PAPOLG: variants seen among roughly 807,000 people sequenced by gnomAD.
The protein encoded by PAPOLG is PAP-gamma.
A neutral mutation model predicts 99.0 loss-of-function variants in PAPOLG; 40 were observed. That is an observed-to-expected ratio of 0.40 (90% confidence interval 0.31 to 0.53). The LOEUF is 0.53. Among genes scored for constraint, PAPOLG ranks in the 20% least tolerant of loss-of-function variants. The probability of loss-of-function intolerance (pLI) is 0.41; values close to 1 mark genes in which losing one functional copy is unlikely to be tolerated. For synonymous variants in PAPOLG, 310 were observed against 299.3 expected (o/e 1.04, Z -0.37); for missense variants, 675 against 884.1 (o/e 0.76, Z 3.00).
At chr2:60,788,289 T>TTA (rs1358472518) in intron 15 of PAPOLG, among the ~76,000 whole-genome samples, 1 of 152,020 alleles carries the variant, frequency 6.6e-6, no homozygotes, top group Admixed American at 6.6e-5. Context: ...CTTCAACGCT[T>TTA]TAAGTTTTGT....
chr2:60,795,265 C>A, intron 21 of PAPOLG: 1 of 619,196 alleles, frequency 1.6e-6, no homozygotes, highest in Non-Finnish European at 3.0e-6. Context: ...AGATTATGTT[C>A]ACCCTTTGTT....
rs1671794119 is a variant in PAPOLG at position 60,799,217 on chromosome 2, T to C, written c.*2057T>C. The stretch of plus-strand genomic sequence containing the variant: ...TCAAAGTATCTTTAGGAATTCCTTC[T>C]GTATCCATGTTTACCCCATTATGTA... On this transcript the variant is annotated 3_prime_UTR_variant, in exon 22 of 22. Coordinates refer to ENST00000238714, the MANE Select transcript of PAPOLG (RefSeq NM_022894.4). The C allele has an allele frequency of 6.6e-6, 1 of 152,420 alleles. No individual in the cohort carries two copies. Among genetic ancestry groups the C allele is most frequent in the African/African-American group, 2.4e-5 (1 of 41,478 alleles). The allele number at this position is 152,420 out of a possible 1,614,324, so 9.4% of individuals were successfully genotyped here.
At chr2:60,789,191 C>T (rs980396331) in intron 15 of PAPOLG, among the ~76,000 whole-genome samples, 4 of 147,804 alleles carry the variant, frequency 2.7e-5, no homozygotes, top group East Asian at 2.1e-4. Context: ...GTGGGGGGAG[C>T]GGGGAGGGAT....
At chr2:60,779,985 G>A (rs1187908873) in intron 9 of PAPOLG, among the ~76,000 whole-genome samples, 2 of 152,198 alleles carry the variant, frequency 1.3e-5, no homozygotes, top group African/African-American at 2.4e-5. Flanking sequence ...TTTAGCTTGG[G>A]AGAGCAGTTA....
intron 3 of PAPOLG, among the ~76,000 whole-genome samples, chr2:60,766,794 T>G (rs1670690414): frequency 6.6e-6 from 1 of 152,034 alleles, no homozygotes; most frequent in Non-Finnish European, 1.5e-5. Context: ...GTAACCATGT[T>G]GGTTGGTTGG....
Position 60,761,727 on chromosome 2 carries a change from AT to A in PAPOLG, c.180-5del, listed in dbSNP as rs528525946. The A allele has an allele frequency of 4.3e-4, 654 of 1,507,014 alleles. No individual in the cohort carries two copies. Among genetic ancestry groups the A allele is most frequent in the Middle Eastern group, 8.9e-4 (5 of 5,634 alleles). 93.4% of individuals were successfully genotyped at this position (1,507,014 alleles called of 1,614,324 possible). ...TTGTTTGTTTGTTTTAATCTGAAGC[AT>A]TTTTTTTTATAGGCTGGTGGTTCTT... On this transcript the variant is annotated splice_polypyrimidine_tract_variant and intron_variant, in intron 2 of 21. Coordinates refer to ENST00000238714, the MANE Select transcript of PAPOLG (RefSeq NM_022894.4).
chr2:60,769,789 C>T (rs1670794574), intron 5 of PAPOLG, among the ~76,000 whole-genome samples: 1 of 151,740 alleles, frequency 6.6e-6, no homozygotes, highest in Non-Finnish European at 1.5e-5. Flanking sequence ...TCTGGAATAC[C>T]ATGTGCAGAA....
In PAPOLG at chr2:60,781,952, C is replaced by T. The variant is rs770308707; in HGVS notation, c.974C>T (p.Thr325Met). ...CCTGCCTACCCACAACAGAATTCTA[C>T]GTATAATGTGTCCACATCAACTCGA... ...ITPAYPQQNS[T>M]YNVSTSTRTV... Residue 325 changes from threonine (T) to methionine (M), a missense_variant, in exon 11 of 22, where the codon ACG becomes ATG. By Grantham distance (81) the Thr-to-Met change is moderately conservative. Transcript: ENST00000238714. 1.2e-6 allele frequency: 2 copies of T among 1,613,672 alleles called. No homozygotes were observed. The highest frequency in any genetic ancestry group is 1.7e-5 in the Admixed American group (1 of 59,982).
At chr2:60,782,625 C>G (rs1671224535) in intron 11 of PAPOLG, 61 bp from the exon 12 acceptor site, 1 of 1,354,200 alleles carries the variant, frequency 7.4e-7, no homozygotes, top group Admixed American at 3.5e-5. Flanking sequence ...GATTTAAGAG[C>G]TGGTCCCTTT....
chr2:60,760,421 C>T (rs1352658488), intron 2 of PAPOLG, 126 bp downstream of exon 2: 12 of 831,126 alleles, frequency 1.4e-5, no homozygotes, highest in Admixed American at 5.7e-5. Flanking sequence ...AAATCTTGGC[C>T]CTCTTGGAGC....
At chr2:60,787,478 A>T in intron 14 of PAPOLG, 33 bp from the exon 15 acceptor site, 3 of 1,573,124 alleles carry the variant, frequency 1.9e-6, no homozygotes, top group Non-Finnish European at 2.6e-6. Context: ...AAATAATAAT[A>T]ATTAATGGAA....
At chr2:60,782,599 T>G (rs1671223617) in intron 11 of PAPOLG, 87 bp from the exon 12 acceptor site, 2 of 1,347,966 alleles carry the variant, frequency 1.5e-6, no homozygotes. Context: ...AGTTTGAGAT[T>G]TTGTAGTAGT....
At chr2:60,759,486 G>T (rs1273442207) in intron 1 of PAPOLG, among the ~76,000 whole-genome samples, 1 of 152,194 alleles carries the variant, frequency 6.6e-6, no homozygotes, top group Non-Finnish European at 1.5e-5. Flanking sequence ...ATTGCCAGTA[G>T]TATAAAGAAT....
At position 60,771,607 on chromosome 2, in the gene PAPOLG, T is replaced by C. The variant is rs375076112; in HGVS notation, c.581T>C (p.Ile194Thr). ...RDDSRLRSLD[I>T]RCIRSLNGCR... ...GACTCTCGCCTGAGAAGCCTTGATATAAGGTGTATTCGCAGCTTAAATGGT... is the reference window on the plus strand; with the variant it reads ...GACTCTCGCCTGAGAAGCCTTGATACAAGGTGTATTCGCAGCTTAAATGGT... Residue 194 changes from isoleucine to threonine, a missense_variant, in exon 7 of 22, where the codon ATA becomes ACA. By Grantham distance (89) the Ile-to-Thr change is moderately conservative (BLOSUM62 -1). Coordinates refer to ENST00000238714, the MANE Select transcript of PAPOLG (RefSeq NM_022894.4). The C allele has an allele frequency of 1.2e-6, 2 of 1,606,320 alleles. No individual in the cohort carries two copies. The highest frequency in any genetic ancestry group is 1.1e-5 in the South Asian group (1 of 89,552).
chr2:60,793,089 C>T (rs1349415286), intron 17 of PAPOLG, among the ~76,000 whole-genome samples: 1 of 151,816 alleles, frequency 6.6e-6, no homozygotes, highest in Non-Finnish European at 1.5e-5. Flanking sequence ...CCTGTAGTCC[C>T]AGCTACCTGG....
At chr2:60,795,551 T>G (rs1671670846) in intron 21 of PAPOLG, among the ~76,000 whole-genome samples, 1 of 152,010 alleles carries the variant, frequency 6.6e-6, no homozygotes, top group South Asian at 2.1e-4. Flanking sequence ...AAGTGTGGTA[T>G]GCTAAAAAGC....
intron 15 of PAPOLG, among the ~76,000 whole-genome samples, chr2:60,788,097 G>GT (rs1419060708): frequency 3.3e-5 from 5 of 151,852 alleles, no homozygotes; most frequent in Admixed American, 1.3e-4. Context: ...GATATATTAA[G>GT]TGGGGGGTAA....
chr2:60,770,593 A>G, intron 6 of PAPOLG, 82 bp downstream of exon 6: 1 of 868,462 alleles, frequency 1.2e-6, no homozygotes, highest in Admixed American at 3.3e-5. Context: ...GCTTAACATA[A>G]ATGCATATTT....
chr2:60,766,205 T>G (rs918267568), intron 3 of PAPOLG, among the ~76,000 whole-genome samples: 2 of 152,186 alleles, frequency 1.3e-5, no homozygotes, highest in East Asian at 3.8e-4. Context: ...ATATGAAATA[T>G]GATTTTACAT....
Sources: allele counts gnomAD v4.1 joint callset (sites outside exome capture counted in the v4.1 genomes callset), GRCh38; gene constraint gnomAD v4.1.1; transcripts MANE v1.5; gene names NCBI Gene and HGNC (gene_info 2026-07-23, HGNC 2026-07-21).